Variants in CCND2 observed in about 807,000 individuals in gnomAD.
CCND2 encodes the protein cyclin D2, also known as G1/S-specific cyclin-D2.
Under a neutral mutation model 30.2 loss-of-function variants are expected in CCND2, and 6 were observed. The ratio of observed to expected loss-of-function variants is 0.20; its 90% CI spans 0.11 to 0.39. The LOEUF (loss-of-function observed/expected upper bound fraction) is 0.39. CCND2 is among the 10% of genes least tolerant of loss of function. The pLI, the probability that CCND2 is intolerant of heterozygous loss-of-function variation, is 1.00. For synonymous variants in CCND2, 150 were observed against 153.1 expected (o/e 0.98, Z 0.15); for missense variants, 235 against 373.4 (o/e 0.63, Z 3.06).
intron 4 of CCND2, among the ~76,000 whole-genome samples, chr12:4,297,058 A>G (rs1026697640): frequency 6.6e-6 from 1 of 152,154 alleles, no homozygotes; most frequent in African/African-American, 2.4e-5. Flanking sequence ...AGGGCTGTCC[A>G]TGTCTATCCC....
intron 3 of CCND2, among the ~76,000 whole-genome samples, chr12:4,279,991 C>T (rs1356470060): frequency 6.6e-6 from 1 of 151,462 alleles, no homozygotes; most frequent in Non-Finnish European, 1.5e-5. Context: ...CGATGTAGTG[C>T]ATATGCCCTG....
In CCND2 at chr12:4,293,688, G is replaced by T. The variant is rs1591649696; in HGVS notation, c.720+4698G>T. ...AAAGCAGGGAGGTGGAGGCGCCGTG[G>T]AAGAAGTCTCAGTTTCGACCACATG... On this transcript the variant is annotated intron_variant, in intron 4 of 4. Coordinates refer to ENST00000261254, the MANE Select transcript of CCND2 (RefSeq NM_001759.4). The surrounding 1 kb of genome is among the most constrained non-coding windows in gnomAD (Gnocchi z 4.9). Among the ~76,000 whole-genome samples, 1 of 152,208 alleles carries T rather than the reference G, an allele frequency of 6.6e-6. No homozygotes were observed. Among genetic ancestry groups the T allele is most frequent in the African/African-American group, 2.4e-5 (1 of 41,450 alleles).
Position 4,282,674 on chromosome 12 carries a change from C to A in CCND2, c.571+3755C>A, listed in dbSNP as rs190265003. ...AGCCAGGCAGTGTGGTGCTTGCCAT[C>A]GCTCTTCCCTCTGGCTGTAAGATGA... is the stretch of plus-strand genomic sequence containing the variant. On this transcript the variant is annotated intron_variant, in intron 3 of 4. Transcript: ENST00000261254. This position sits in a 1 kb window ranked among gnomAD's most constrained non-coding sequence, Gnocchi z 4.3. 2.0e-5 allele frequency among the ~76,000 whole-genome samples: 3 copies of A among 152,200 alleles called. No individual in the cohort carries two copies. Among genetic ancestry groups the A allele is most frequent in the South Asian group, 2.1e-4 (1 of 4,836 alleles).
chr12:4,288,736 G>C (rs998749499), intron 3 of CCND2, 106 bp from the exon 4 acceptor site: 1 of 1,101,052 alleles, frequency 9.1e-7, no homozygotes, highest in Non-Finnish European at 1.3e-6. Context: ...GGGGTCACTC[G>C]CGCCGCTGAC....
At chr12:4,297,172 C>T (rs201285463) in intron 4 of CCND2, among the ~76,000 whole-genome samples, 1 of 152,302 alleles carries the variant, frequency 6.6e-6, no homozygotes, top group South Asian at 2.1e-4. Flanking sequence ...CACTTTGTGC[C>T]TTAACCCCCA....
At position 4,273,852 on chromosome 12, in the gene CCND2, C is replaced by T. The variant is rs1863819649; in HGVS notation, c.-189C>T. On this transcript the variant is annotated 5_prime_UTR_variant, in exon 1 of 5. Coordinates refer to ENST00000261254, the MANE Select transcript of CCND2 (RefSeq NM_001759.4). The surrounding 1 kb of genome is among the most constrained non-coding windows in gnomAD (Gnocchi z 5.9). Reference sequence around the variant, plus strand: ...GCAGCCCCGAGGCTCTGCTCGCCCACCACCCAATCCTCGCCTCCCTTCTGC... The same window carrying T: ...GCAGCCCCGAGGCTCTGCTCGCCCATCACCCAATCCTCGCCTCCCTTCTGC... 1 of 626,420 alleles carries T rather than the reference C, an allele frequency of 1.6e-6. No homozygotes were observed. Among genetic ancestry groups the T allele is most frequent in the Non-Finnish European group, 2.8e-6 (1 of 361,508 alleles). The allele number at this position is 626,420 out of a possible 1,614,324, so 38.8% of individuals were successfully genotyped here. A position where few individuals can be genotyped will look rare whatever the true frequency, so the allele number is the denominator to read the frequency against.
chr12:4,288,324 T>G (rs940005615), intron 3 of CCND2, among the ~76,000 whole-genome samples: 1 of 151,904 alleles, frequency 6.6e-6, no homozygotes, highest in Non-Finnish European at 1.5e-5. Flanking sequence ...ATTAGCATTA[T>G]GCATAGATTT....
chr12:4,273,822 G>A lies in CCND2; in HGVS notation c.-219G>A. 1 of 595,198 alleles carries A rather than the reference G, an allele frequency of 1.7e-6. No homozygotes were observed. The highest frequency in any genetic ancestry group is 1.9e-5 in the African/African-American group (1 of 53,626). The allele number at this position is 595,198 out of a possible 1,614,324, so 36.9% of individuals were successfully genotyped here. On this transcript the variant is annotated 5_prime_UTR_variant, in exon 1 of 5. The change creates a new upstream start codon in the 5' untranslated region. Transcript: ENST00000261254. This position sits in a 1 kb window ranked among gnomAD's most constrained non-coding sequence, Gnocchi z 5.9. Reference sequence around the variant, plus strand: ...AGTTTTAAGGGGAGGACCGGTGCGAGTGAGGCAGCCCCGAGGCTCTGCTCG... The same window carrying A: ...AGTTTTAAGGGGAGGACCGGTGCGAATGAGGCAGCCCCGAGGCTCTGCTCG...
rs1264885156 is a variant in CCND2 at position 4,301,519 on chromosome 12, A to G, written c.*1510A>G. 6 of 229,568 alleles carry G rather than the reference A, an allele frequency of 2.6e-5. No individual in the cohort carries two copies. Among genetic ancestry groups the G allele is most frequent in the East Asian group, 1.2e-4 (2 of 16,350 alleles). The allele number at this position is 229,568 out of a possible 1,614,324, so 14.2% of individuals were successfully genotyped here. On this transcript the variant is annotated 3_prime_UTR_variant, in exon 5 of 5. Coordinates refer to ENST00000261254, the MANE Select transcript of CCND2 (RefSeq NM_001759.4). ...ATTGTAATTGACAGGTAATGAAGCTATTTGTTAAAATATTTGCCTTTTTAA... is the reference window on the plus strand; with the variant it reads ...ATTGTAATTGACAGGTAATGAAGCTGTTTGTTAAAATATTTGCCTTTTTAA...
chr12:4,285,540 C>A lies in CCND2; in HGVS notation c.572-3302C>A. The A allele has an allele frequency of 5.0e-6, 2 of 398,972 alleles. No homozygotes were observed. Among genetic ancestry groups the A allele is most frequent in the Non-Finnish European group, 6.8e-6 (2 of 294,038 alleles). The allele number at this position is 398,972 out of a possible 1,614,324, so 24.7% of individuals were successfully genotyped here. A position where few individuals can be genotyped will look rare whatever the true frequency, so the allele number is the denominator to read the frequency against. ...TTATTTTCCGTGCATCCTTCCAGTT[C>A]ATCCATAGGCATATATGTATGTATT... is the stretch of plus-strand genomic sequence containing the variant. On this transcript the variant is annotated intron_variant, in intron 3 of 4. Transcript: ENST00000261254. The surrounding 1 kb of genome is among the most constrained non-coding windows in gnomAD (Gnocchi z 4.1).
intron 3 of CCND2, among the ~76,000 whole-genome samples, chr12:4,284,792 A>G (rs1052901907): frequency 7.1e-6 from 1 of 140,508 alleles, no homozygotes; most frequent in African/African-American, 2.7e-5. Context: ...GCTGGAGTGC[A>G]TGGCACAATC....
rs796367500 is a variant in CCND2 at position 4,280,753 on chromosome 12, C to A, written c.571+1834C>A. Reference sequence around the variant, plus strand: ...CAGCTGACCCCCGACCCTAAACTCCCCCACTGCCCAGCTGTTGATAGCCAG... The same window carrying A: ...CAGCTGACCCCCGACCCTAAACTCCACCACTGCCCAGCTGTTGATAGCCAG... On this transcript the variant is annotated intron_variant, in intron 3 of 4. Transcript: ENST00000261254. Among the ~76,000 whole-genome samples, 10 of 152,360 alleles carry A rather than the reference C, an allele frequency of 6.6e-5. 1 individual carries two copies. The highest frequency in any genetic ancestry group is 2.4e-4 in the African/African-American group (10 of 41,582).
intron 3 of CCND2, among the ~76,000 whole-genome samples, chr12:4,284,851 C>T (rs3217836): frequency 0.83 from 126,667 of 151,740 alleles, 52,992 homozygotes; most frequent in Middle Eastern, 0.92. Flanking sequence ...TTCTCTTGCC[C>T]AAGCCTCCAG....
intron 3 of CCND2, among the ~76,000 whole-genome samples, chr12:4,288,208 C>A (rs570825844): frequency 8.7e-5 from 13 of 149,042 alleles, no homozygotes; most frequent in African/African-American, 3.0e-4. Flanking sequence ...TGCATTGCTG[C>A]TTCTCTCATT....
At chr12:4,289,396 C>G (rs3217856) in intron 4 of CCND2, among the ~76,000 whole-genome samples, 4,339 of 152,206 alleles carry the variant, frequency 0.029, 136 homozygotes, top group East Asian at 0.16. Flanking sequence ...AAAGGAGAGC[C>G]AGGACTCAGC....
chr12:4,288,887 G>T lies in CCND2; in HGVS notation c.617G>T (p.Ser206Ile), dbSNP rs770027846. 1.9e-6 allele frequency: 3 copies of T among 1,613,862 alleles called. No individual in the cohort carries two copies. The highest frequency in any genetic ancestry group is 2.5e-6 in the Non-Finnish European group (3 of 1,179,912). Residue 206 changes from serine to isoleucine, a missense_variant, in exon 4 of 5, where the codon AGT (serine) becomes ATT (isoleucine). By Grantham distance (142) the Ser-to-Ile change is moderately radical. Transcript: ENST00000261254. ...CCACCGTCGATGATCGCAACTGGAAGTGTGGGAGCAGCCATCTGTGGGCTC... is the reference window on the plus strand; with the variant it reads ...CCACCGTCGATGATCGCAACTGGAATTGTGGGAGCAGCCATCTGTGGGCTC... ...MYPPSMIATGSVGAAICGLQQ... is the reference protein window; with the variant it reads ...MYPPSMIATGIVGAAICGLQQ...
chr12:4,276,087 C>T lies in CCND2; in HGVS notation c.278C>T (p.Thr93Ile). ...YLDRFLAGVP[T>I]PKSHLQLLGA... ...GACCGTTTCTTGGCTGGGGTCCCGA[C>T]TCCGAAGTCCCATCTGCAACTCCTG... Residue 93 changes from threonine to isoleucine, a missense_variant, in exon 2 of 5, where the codon ACT becomes ATT. Transcript: ENST00000261254. The surrounding 1 kb of genome is among the most constrained non-coding windows in gnomAD (Gnocchi z 4.8). The T allele has an allele frequency of 6.2e-7, 1 of 1,613,930 alleles. No individual in the cohort carries two copies. The highest frequency in any genetic ancestry group is 8.5e-7 in the Non-Finnish European group (1 of 1,179,992).
intron 2 of CCND2, among the ~76,000 whole-genome samples, chr12:4,277,585 T>G (rs1398242177): frequency 1.3e-5 from 2 of 152,212 alleles, no homozygotes; most frequent in African/African-American, 4.8e-5. Context: ...AGCCAAGCAA[T>G]ATATTGCTAC....
intron 1 of CCND2, chr12:4,275,502 C>T (rs569844707): frequency 2.2e-5 from 3 of 136,542 alleles, no homozygotes; most frequent in Non-Finnish European, 3.2e-5. Context: ...CACCCGCCCC[C>T]CCAAAAGCGG....
Sources: allele counts gnomAD v4.1 joint callset (sites outside exome capture counted in the v4.1 genomes callset), GRCh38; gene constraint gnomAD v4.1.1; non-coding constraint Gnocchi (gnomAD v3.1); transcripts MANE v1.5; gene names NCBI Gene and HGNC (gene_info 2026-07-23, HGNC 2026-07-21).